The following PIWIL2 variants were observed in gnomAD, a reference collection of about 807,000 sequenced individuals.
The protein encoded by PIWIL2 is piwi-like protein 2.
PIWIL2 carries 81 observed loss-of-function variants against 116.5 expected under a neutral mutation model. The ratio of observed to expected loss-of-function variants is 0.70; its 90% CI spans 0.58 to 0.84. PIWIL2 has a LOEUF of 0.84. Ranked by LOEUF, PIWIL2 falls within the 40% of genes least tolerant of loss-of-function variation. The pLI is 0.00. For missense variants in PIWIL2, 1,272 were observed against 1,212.3 expected (o/e 1.05, Z -0.73); for synonymous variants, 489 against 429.5 (o/e 1.14, Z -1.71).
chr8:22,322,379 T>A (rs992915364), intron 20 of PIWIL2, among the ~76,000 whole-genome samples: 13 of 152,044 alleles, frequency 8.6e-5, no homozygotes, highest in African/African-American at 2.9e-4. Context: ...GCCTCCCAAG[T>A]AGCTGGGACT....
chr8:22,303,468 T>C (rs1180953813), intron 10 of PIWIL2, among the ~76,000 whole-genome samples: 2 of 152,244 alleles, frequency 1.3e-5, no homozygotes, highest in African/African-American at 4.8e-5. Context: ...CATAGCTCAC[T>C]GTAGCCTCAA....
intron 10 of PIWIL2, among the ~76,000 whole-genome samples, chr8:22,291,808 C>A (rs953826083): frequency 1.3e-5 from 2 of 152,078 alleles, no homozygotes; most frequent in Non-Finnish European, 2.9e-5. Flanking sequence ...AAAGATCCCT[C>A]CCCTCACAGA....
At chr8:22,354,413 T>G (rs754109427) in intron 22 of PIWIL2, 35 bp downstream of exon 22, 12 of 1,362,028 alleles carry the variant, frequency 8.8e-6, no homozygotes, top group Admixed American at 5.0e-5. Flanking sequence ...TTCTCTTTCT[T>G]AAATAATTCT....
chr8:22,284,312 G>A, intron 6 of PIWIL2, 40 bp downstream of exon 6: 1 of 1,066,866 alleles, frequency 9.4e-7, no homozygotes, highest in Non-Finnish European at 1.4e-6. Flanking sequence ...CTTCTTAAAG[G>A]GCAGTAAAAA....
intron 13 of PIWIL2, 47 bp from the exon 14 acceptor site, chr8:22,307,885 AT>A: frequency 2.1e-6 from 3 of 1,443,920 alleles, no homozygotes; most frequent in Non-Finnish European, 2.9e-6. Flanking sequence ...TTAACTTCAT[AT>A]TGGTGAAGTT....
intron 13 of PIWIL2, among the ~76,000 whole-genome samples, chr8:22,307,589 C>T (rs1831216745): frequency 6.8e-6 from 1 of 147,618 alleles, no homozygotes; most frequent in Non-Finnish European, 1.5e-5. Flanking sequence ...CTCAAGTGAT[C>T]CTCCTGCCTC....
At chr8:22,320,785 G>T (rs1042140434) in intron 20 of PIWIL2, among the ~76,000 whole-genome samples, 29 of 151,870 alleles carry the variant, frequency 1.9e-4, no homozygotes, top group Non-Finnish European at 3.7e-4. Flanking sequence ...TAGAGATGGG[G>T]TTTTGCCACG....
At chr8:22,353,577 G>A (rs1288904798) in intron 21 of PIWIL2, among the ~76,000 whole-genome samples, 1 of 152,042 alleles carries the variant, frequency 6.6e-6, no homozygotes, top group Admixed American at 6.6e-5. Context: ...GAACCTAGGA[G>A]GCGGAGGTTG....
chr8:22,307,382 A>G (rs978482638), intron 13 of PIWIL2, among the ~76,000 whole-genome samples: 1 of 152,012 alleles, frequency 6.6e-6, no homozygotes, highest in South Asian at 2.1e-4. Context: ...TCTTATAGGA[A>G]TTTTAAAGTC....
intron 4 of PIWIL2, among the ~76,000 whole-genome samples, chr8:22,281,835 A>G (rs940884188): frequency 7.6e-5 from 11 of 145,032 alleles, no homozygotes; most frequent in African/African-American, 2.9e-4. Flanking sequence ...GCAATGCCTC[A>G]ATCTTGGCTC....
Position 22,318,184 on chromosome 8 carries a change from G to T in PIWIL2, c.2312G>T (p.Trp771Leu). ...CCTGACCCTAGCACCCTCACAAAAT[G>T]GTATTCCCGGGTGGTGTTCCAGATG... ...VASINLTLTKWYSRVVFQMPH... is the reference protein window; with the variant it reads ...VASINLTLTKLYSRVVFQMPH... The change falls in exon 20 of 23, where the codon TGG becomes TTG. Residue 771 changes from tryptophan (W) to leucine (L), a missense_variant. By Grantham distance (61) the Trp-to-Leu change is moderately conservative. Coordinates refer to ENST00000356766, the MANE Select transcript of PIWIL2 (RefSeq NM_018068.5). 16 of 1,611,090 alleles carry T rather than the reference G, an allele frequency of 9.9e-6. No homozygotes were observed. The highest frequency in any genetic ancestry group is 1.4e-5 in the Non-Finnish European group (16 of 1,177,334).
At chr8:22,344,287 G>C (rs1343013875) in intron 20 of PIWIL2, among the ~76,000 whole-genome samples, 1 of 152,156 alleles carries the variant, frequency 6.6e-6, no homozygotes, top group African/African-American at 2.4e-5. Flanking sequence ...TTATGCATTT[G>C]TCAAAACCCA....
chr8:22,345,748 T>C (rs946089275), intron 20 of PIWIL2, among the ~76,000 whole-genome samples: 30 of 152,178 alleles, frequency 2.0e-4, no homozygotes, highest in African/African-American at 7.2e-4. Context: ...ATGCATATAA[T>C]GGAATACTAT....
chr8:22,345,901 A>G (rs1293910047), intron 20 of PIWIL2, among the ~76,000 whole-genome samples: 2 of 152,186 alleles, frequency 1.3e-5, no homozygotes, highest in Admixed American at 6.5e-5. Flanking sequence ...GACAAAGCGC[A>G]TTAGTAGGTT....
At chr8:22,292,528 T>A (rs1448430877) in intron 10 of PIWIL2, among the ~76,000 whole-genome samples, 1 of 152,252 alleles carries the variant, frequency 6.6e-6, no homozygotes, top group Non-Finnish European at 1.5e-5. Flanking sequence ...TTATTCTGTA[T>A]CTCCTAGACT....
At chr8:22,344,181 A>C (rs369143827) in intron 20 of PIWIL2, among the ~76,000 whole-genome samples, 3 of 152,372 alleles carry the variant, frequency 2.0e-5, no homozygotes, top group African/African-American at 7.2e-5. Flanking sequence ...GAATGCATAA[A>C]TGTGGTGACA....
rs1373502068 is a variant in PIWIL2 at position 22,309,994 on chromosome 8, A to C, written c.1720A>C (p.Asn574His). The C allele has an allele frequency of 6.2e-7, 1 of 1,610,330 alleles. No individual in the cohort carries two copies. The highest frequency in any genetic ancestry group is 1.7e-5 in the Admixed American group (1 of 60,014). Reference protein sequence around the residue: ...EGRVLPMERINLKNTSFITSQ... With the variant: ...EGRVLPMERIHLKNTSFITSQ... ...ACGTGTTCTGCCAATGGAAAGAATT[A>C]ACTTAAAAAATACTTCGTTTATCAC... Residue 574 changes from asparagine (N) to histidine (H), a missense_variant, in exon 15 of 23, where the codon AAC (asparagine) becomes CAC (histidine). Transcript: ENST00000356766.
intron 10 of PIWIL2, among the ~76,000 whole-genome samples, chr8:22,294,991 A>G (rs1008957477): frequency 6.6e-5 from 10 of 150,578 alleles, no homozygotes; most frequent in Admixed American, 6.0e-4. Flanking sequence ...AGGCAGGAGA[A>G]TGGCTTGAAC....
chr8:22,310,910 A>G (rs536722144), intron 15 of PIWIL2, among the ~76,000 whole-genome samples: 13 of 152,314 alleles, frequency 8.5e-5, no homozygotes, highest in African/African-American at 3.1e-4. Flanking sequence ...TTGCTCTTCC[A>G]TTCTCATTAC....
Sources: allele counts gnomAD v4.1 joint callset (sites outside exome capture counted in the v4.1 genomes callset), GRCh38; gene constraint gnomAD v4.1.1; transcripts MANE v1.5; gene names NCBI Gene and HGNC (gene_info 2026-07-23, HGNC 2026-07-21).